Variants in MRPS27 observed in about 807,000 individuals in gnomAD.
MRPS27 encodes mitochondrial ribosomal protein S27, also known as small ribosomal subunit protein mS27.
In MRPS27, 43 loss-of-function variants were observed where a neutral mutation model predicts 48.9. The ratio of observed to expected loss-of-function variants is 0.88; its 90% CI spans 0.69 to 1.13. The LOEUF is 1.13. MRPS27 is among the 50% of genes most tolerant of loss of function. The pLI, the probability that MRPS27 is intolerant of heterozygous loss-of-function variation, is 0.00. For synonymous variants in MRPS27, 188 were observed against 171.9 expected (o/e 1.09, Z -0.73); for missense variants, 467 against 476.3 (o/e 0.98, Z 0.18).
rs898314083 is a variant in MRPS27, at chr5:72,273,182, G to T, written c.281+22349C>A. ...CACCTCTCAGTGGATTGATCTAGGG[G>T]TAGTTACCTGGCCCAAGTAAATATA... On this transcript the variant is annotated intron_variant, in intron 4 of 10. Coordinates refer to ENST00000261413, the MANE Select transcript of MRPS27 (RefSeq NM_015084.3). Among the ~76,000 whole-genome samples the T allele has an allele frequency of 3.9e-5, 6 of 152,106 alleles. 1 individual carries two copies. In the East Asian group the frequency reaches 1.2e-3, roughly 29 times the overall value.
At chr5:72,257,337 C>T (rs1748836315) in intron 4 of MRPS27, among the ~76,000 whole-genome samples, 1 of 152,118 alleles carries the variant, frequency 6.6e-6, no homozygotes, top group Non-Finnish European at 1.5e-5. Flanking sequence ...TTTGGAGGGA[C>T]CACAAGTGCT....
intron 4 of MRPS27, among the ~76,000 whole-genome samples, chr5:72,271,599 T>G (rs1203237082): frequency 6.6e-6 from 1 of 152,204 alleles, no homozygotes; most frequent in Non-Finnish European, 1.5e-5. Context: ...GGTTTGGATC[T>G]TAGACTAAGA....
At chr5:72,295,644 G>T in intron 3 of MRPS27, 55 bp from the exon 4 acceptor site, 1 of 1,356,368 alleles carries the variant, frequency 7.4e-7, no homozygotes, top group Non-Finnish European at 1.1e-6. Context: ...CATATATTTG[G>T]CCTAGGGCCT....
intron 4 of MRPS27, among the ~76,000 whole-genome samples, chr5:72,274,418 G>C (rs552280867): frequency 6.6e-6 from 1 of 152,264 alleles, no homozygotes; most frequent in South Asian, 2.1e-4. Flanking sequence ...GGCCTGCACA[G>C]GGTCAGGATC....
chr5:72,231,824 CTG>C (rs1748071995), intron 7 of MRPS27, among the ~76,000 whole-genome samples: 1 of 152,122 alleles, frequency 6.6e-6, no homozygotes, highest in Non-Finnish European at 1.5e-5. Context: ...GGGGGTTACT[CTG>C]TAACATCTCT....
intron 4 of MRPS27, among the ~76,000 whole-genome samples, chr5:72,259,548 G>T (rs1304589972): frequency 6.7e-6 from 1 of 150,244 alleles, no homozygotes; most frequent in African/African-American, 2.4e-5. Flanking sequence ...TAAATTGCAA[G>T]AAACTATCTT....
intron 7 of MRPS27, among the ~76,000 whole-genome samples, chr5:72,230,908 T>C (rs577313377): frequency 1.4e-3 from 211 of 152,220 alleles, no homozygotes; most frequent in African/African-American, 4.7e-3. Context: ...AATATGCCCA[T>C]TGGCTACTCT....
chr5:72,258,275 C>T (rs1580076653), intron 4 of MRPS27, among the ~76,000 whole-genome samples: 1 of 152,090 alleles, frequency 6.6e-6, no homozygotes, highest in South Asian at 2.1e-4. Context: ...CGTGCACTAA[C>T]ATCTAATGTG....
chr5:72,276,037 G>T (rs1012597914), intron 4 of MRPS27, among the ~76,000 whole-genome samples: 1 of 150,988 alleles, frequency 6.6e-6, no homozygotes, highest in African/African-American at 2.4e-5. Flanking sequence ...GTGTGGGGGG[G>T]GTACTATGAA....
intron 2 of MRPS27, 117 bp downstream of exon 2, chr5:72,313,964 T>C: frequency 1.4e-6 from 1 of 731,836 alleles, no homozygotes; most frequent in Non-Finnish European, 2.2e-6. Context: ...TAAAACATGC[T>C]TATCTGAATT....
intron 2 of MRPS27, among the ~76,000 whole-genome samples, chr5:72,302,826 A>C (rs1750157604): frequency 6.6e-6 from 1 of 152,108 alleles, no homozygotes; most frequent in South Asian, 2.1e-4. Context: ...CCTCAGGTAA[A>C]GCCAGGACCA....
intron 4 of MRPS27, among the ~76,000 whole-genome samples, chr5:72,273,323 T>C (rs1749294938): frequency 6.6e-6 from 1 of 152,230 alleles, no homozygotes; most frequent in South Asian, 2.1e-4. Flanking sequence ...TTTTGTTTTT[T>C]AACAAATGTG....
In MRPS27 at chr5:72,297,511, C is replaced by G. The variant is rs912682034; in HGVS notation, c.222+121G>C. The G allele has an allele frequency of 5.1e-6, 3 of 592,458 alleles. No homozygotes were observed. In the African/African-American group the frequency reaches 5.8e-5, roughly 12 times the overall value. 36.7% of individuals were successfully genotyped at this position (592,458 alleles called of 1,614,324 possible). ...TCTATTAGTAACTATAAAAACTTAC[C>G]ATACTCTCAAAAATATTTCCTATGC... On this transcript the variant is annotated intron_variant, in intron 3 of 10. Transcript: ENST00000261413.
intron 9 of MRPS27, among the ~76,000 whole-genome samples, chr5:72,225,007 C>G (rs1375929361): frequency 6.6e-6 from 1 of 152,202 alleles, no homozygotes; most frequent in Non-Finnish European, 1.5e-5. Flanking sequence ...ATAGCACATT[C>G]TTGCTGACAT....
chr5:72,262,274 A>G (rs183834210), intron 4 of MRPS27, among the ~76,000 whole-genome samples: 5 of 152,234 alleles, frequency 3.3e-5, no homozygotes, highest in Admixed American at 6.5e-5. Context: ...TGGGGACTCA[A>G]TCAGTAACAT....
intron 10 of MRPS27, 146 bp downstream of exon 10, chr5:72,223,537 T>G (rs1424798727): frequency 5.0e-6 from 5 of 993,482 alleles, no homozygotes; most frequent in African/African-American, 1.6e-5. Flanking sequence ...CCACTTCCTG[T>G]GCAAAGCAAT....
At chr5:72,306,859 AAC>A (rs1750283188) in intron 2 of MRPS27, among the ~76,000 whole-genome samples, 1 of 152,190 alleles carries the variant, frequency 6.6e-6, no homozygotes, top group Non-Finnish European at 1.5e-5. Context: ...GAGTTGATGA[AAC>A]AACACTGGTA....
At chr5:72,236,896 T>C (rs1748210128) in intron 5 of MRPS27, among the ~76,000 whole-genome samples, 1 of 151,498 alleles carries the variant, frequency 6.6e-6, no homozygotes, top group Admixed American at 6.6e-5. Flanking sequence ...CTCCAAGTTG[T>C]TTTTACTGTT....
chr5:72,314,389 T>A (rs1750516458), intron 1 of MRPS27: 1 of 351,672 alleles, frequency 2.8e-6, no homozygotes, highest in African/African-American at 2.1e-5. Context: ...AATAATTTTT[T>A]AAATAAAATA....
Sources: gnomAD v4.1 joint callset for allele counts (sites outside exome capture counted in the v4.1 genomes callset) on GRCh38, gnomAD v4.1.1 for gene constraint, MANE v1.5 for transcripts, NCBI Gene and HGNC (gene_info 2026-07-23, HGNC 2026-07-21) for gene names.